ANKRD30A: variants seen among roughly 807,000 people sequenced by gnomAD.
ANKRD30A encodes the protein ankyrin repeat domain 30A.
A neutral mutation model predicts 166.3 loss-of-function variants in ANKRD30A; 170 were observed. The observed-to-expected ratio is 1.02, with a 90% CI of 0.90 to 1.16. The LOEUF (loss-of-function observed/expected upper bound fraction) is 1.16. Ranked by LOEUF, ANKRD30A falls within the 50% of genes most tolerant of loss-of-function variation. The pLI is 0.00. For missense variants in ANKRD30A, 1,630 were observed against 1,518.0 expected (o/e 1.07, Z -1.23); for synonymous variants, 564 against 508.9 (o/e 1.11, Z -1.46).
In ANKRD30A at chr10:37,157,078, A is replaced by C. The variant is rs867796666; in HGVS notation, c.1799-1314A>C. 2.6e-5 allele frequency among the ~76,000 whole-genome samples: 4 copies of C among 152,346 alleles called. No individual in the cohort carries two copies. The South Asian group carries it at 8.3e-4, about 32-fold the overall frequency. The stretch of plus-strand genomic sequence containing the variant: ...ATGGAAATATTTGAGGAGTAGAGAA[A>C]AATGAGTGATTAAACATGTTTGATT... On this transcript the variant is annotated intron_variant, in intron 13 of 35. Transcript: ENST00000361713.
chr10:37,237,266 G>A (rs1317382675), downstream of ANKRD30A, among the ~76,000 whole-genome samples: 1 of 152,216 alleles, frequency 6.6e-6, no homozygotes, highest in African/African-American at 2.4e-5. Context: ...AGTGCTCTGA[G>A]TTTGTGTTGC....
intron 24 of ANKRD30A, among the ~76,000 whole-genome samples, chr10:37,179,013 AATATATATATAT>A (rs139390228): frequency 0.055 from 6,365 of 116,768 alleles, 19 homozygotes; most frequent in South Asian, 0.079. Flanking sequence ...TGAGGCGTCA[AATATATATATAT>A]ATATATATAT....
intron 31 of ANKRD30A, among the ~76,000 whole-genome samples, chr10:37,215,009 C>G (rs1048767627): frequency 1.3e-5 from 2 of 151,490 alleles, no homozygotes; most frequent in African/African-American, 4.8e-5. Context: ...ATGCTCATAT[C>G]TACTCAGTGT....
At chr10:37,164,923 T>G (rs1191880634) in intron 17 of ANKRD30A, among the ~76,000 whole-genome samples, 171 bp from the exon 18 acceptor site, 1 of 152,114 alleles carries the variant, frequency 6.6e-6, no homozygotes, top group Non-Finnish European at 1.5e-5. Context: ...GTTTTTAGAT[T>G]TCAATTCTTT....
At chr10:37,165,182 AT>A (rs1839217087) in intron 18 of ANKRD30A, 27 bp downstream of exon 18, 2 of 1,569,542 alleles carry the variant, frequency 1.3e-6, no homozygotes, top group South Asian at 1.1e-5. Context: ...ATTTTTTTAA[AT>A]ATTAGTATTG....
rs768827708 is a variant in ANKRD30A at position 37,193,236 on chromosome 10, G to A, written c.2592G>A (p.Met864Ile). The change falls in exon 27 of 36, where the codon ATG becomes ATA. Residue 864 changes from methionine (M) to isoleucine (I), a missense_variant. Transcript: ENST00000361713. ...VSIPTKALEL[M>I]DMQTFKAEPP... The stretch of plus-strand genomic sequence containing the variant: ...TTCCAACTAAAGCCTTAGAATTGAT[G>A]GACATGCAAACTTTCAAAGCAGGTA... 6.2e-7 allele frequency: 1 copy of A among 1,611,126 alleles called. No individual in the cohort carries two copies. Among genetic ancestry groups the A allele is most frequent in the South Asian group, 1.1e-5 (1 of 90,136 alleles).
intron 34 of ANKRD30A, among the ~76,000 whole-genome samples, chr10:37,223,377 T>C (rs1301696649): frequency 6.6e-6 from 1 of 151,336 alleles, no homozygotes; most frequent in East Asian, 1.9e-4. Context: ...TACCTTATCC[T>C]GAAGTTAGGT....
the ANKRD30A span, among the ~76,000 whole-genome samples, chr10:37,245,572 T>A: frequency 1.3e-5 from 2 of 152,096 alleles, no homozygotes; most frequent in Non-Finnish European, 2.9e-5. Flanking sequence ...TTTAGTTTAC[T>A]GTATGAGTTT....
In ANKRD30A at chr10:37,133,951, C is replaced by T; in HGVS notation, c.653C>T (p.Ser218Leu). ...ATGCTTGCTGTATGTCATGGATCAT[C>T]AGAGATAGTTGGCATGCTTCTTCAG... ...ALMLAVCHGS[S>L]EIVGMLLQQN... Residue 218 changes from serine to leucine, a missense_variant, in exon 5 of 36, where the codon TCA (serine) becomes TTA (leucine). Physicochemically the swap from Ser to Leu is moderately radical, Grantham distance 145. Coordinates refer to ENST00000361713, the MANE Select transcript of ANKRD30A (RefSeq NM_052997.3). 4 of 1,614,034 alleles carry T rather than the reference C, an allele frequency of 2.5e-6. No homozygotes were observed. Among genetic ancestry groups the T allele is most frequent in the East Asian group, 2.2e-5 (1 of 44,860 alleles).
the ANKRD30A span, among the ~76,000 whole-genome samples, chr10:37,257,347 C>T: frequency 6.8e-6 from 1 of 146,254 alleles, no homozygotes; most frequent in African/African-American, 2.5e-5. Flanking sequence ...AAAAAAAAAA[C>T]AGCTCCTGGA....
At chr10:37,126,466 A>G (rs1564457953) in intron 1 of ANKRD30A, among the ~76,000 whole-genome samples, 4 of 152,244 alleles carry the variant, frequency 2.6e-5, no homozygotes, top group African/African-American at 2.4e-5. Flanking sequence ...ATAGAGTCCA[A>G]TATCCATTTT....
At chr10:37,217,907 AT>A in intron 33 of ANKRD30A, 29 bp downstream of exon 33, 1 of 1,436,280 alleles carries the variant, frequency 7.0e-7, no homozygotes, top group Admixed American at 2.5e-5. Flanking sequence ...AAAATTTTAT[AT>A]TTCTAACTTT....
chr10:37,223,335 A>G (rs946345354), intron 34 of ANKRD30A, among the ~76,000 whole-genome samples: 2 of 151,326 alleles, frequency 1.3e-5, no homozygotes, highest in African/African-American at 4.8e-5. Flanking sequence ...AAAAAAAACT[A>G]TAAAAGAATG....
intron 34 of ANKRD30A, among the ~76,000 whole-genome samples, chr10:37,223,105 T>G (rs1842969570): frequency 6.6e-6 from 1 of 151,426 alleles, no homozygotes; most frequent in South Asian, 2.1e-4. Context: ...ATATTTGTTC[T>G]GACTATTGAG....
rs1319305920 is a variant in ANKRD30A at position 37,217,835 on chromosome 10, T to C, written c.3224T>C (p.Ile1075Thr). The stretch of plus-strand genomic sequence containing the variant: ...CAACAACTTGAACAGGCTCTCAGAA[T>C]ACAAGATATAGAATTGAAGAGTGTA... Reference protein sequence around the residue: ...VKQQLEQALRIQDIELKSVES... With the variant: ...VKQQLEQALRTQDIELKSVES... The change falls in exon 33 of 36, where the codon ATA becomes ACA. Residue 1075 changes from isoleucine to threonine, a missense_variant. Physicochemically the swap from Ile to Thr is moderately conservative, Grantham distance 89 (BLOSUM62 -1). Around this residue, in one of 4 missense-constraint regions of ANKRD30A, gnomAD observed 712 missense variants for 629.3 expected, o/e 1.13. Coordinates refer to ENST00000361713, the MANE Select transcript of ANKRD30A (RefSeq NM_052997.3). 6.3e-6 allele frequency: 10 copies of C among 1,597,686 alleles called. No individual in the cohort carries two copies. The highest frequency in any genetic ancestry group is 7.7e-6 in the Non-Finnish European group (9 of 1,172,096).
At chr10:37,257,831 T>G in the ANKRD30A span, among the ~76,000 whole-genome samples, 2 of 152,162 alleles carry the variant, frequency 1.3e-5, no homozygotes, top group Admixed American at 1.3e-4. Context: ...TGGATGAAAC[T>G]GGAAGCCATC....
In ANKRD30A at chr10:37,191,110, C is replaced by T. The variant is rs71489126; in HGVS notation, c.2512+1553C>T. On this transcript the variant is annotated intron_variant, in intron 25 of 35. Coordinates refer to ENST00000361713, the MANE Select transcript of ANKRD30A (RefSeq NM_052997.3). ...GTTATTAATATTTAAAAGTCTGTTGCAACTAAATTTAAATGAAATACATCA... is the reference window on the plus strand; with the variant it reads ...GTTATTAATATTTAAAAGTCTGTTGTAACTAAATTTAAATGAAATACATCA... Among the ~76,000 whole-genome samples, 43 of 151,474 alleles carry T rather than the reference C, an allele frequency of 2.8e-4. No individual in the cohort carries two copies. In the East Asian group the frequency reaches 6.0e-3, roughly 21 times the overall value.
At chr10:37,251,671 A>G in the ANKRD30A span, among the ~76,000 whole-genome samples, 1 of 152,204 alleles carries the variant, frequency 6.6e-6, no homozygotes, top group African/African-American at 2.4e-5. Context: ...TAAATCAGCA[A>G]TGTTCACCAT....
the ANKRD30A span, among the ~76,000 whole-genome samples, chr10:37,248,475 C>T: frequency 6.6e-6 from 1 of 152,160 alleles, no homozygotes; most frequent in East Asian, 1.9e-4. Flanking sequence ...GTGTTGACTC[C>T]TTCCTGCTTC....
Sources: gnomAD v4.1 joint callset for allele counts (sites outside exome capture counted in the v4.1 genomes callset) on GRCh38, gnomAD v4.1.1 for gene constraint, gnomAD v4.1.1 regional missense constraint, MANE v1.5 for transcripts, NCBI Gene and HGNC (gene_info 2026-07-23, HGNC 2026-07-21) for gene names.